The following PCDH15 variants were observed in gnomAD, a reference collection of about 807,000 sequenced individuals.
The protein encoded by PCDH15 is protocadherin related 15.
Under a neutral mutation model 178.5 loss-of-function variants are expected in PCDH15, and 129 were observed. The ratio of observed to expected loss-of-function variants is 0.72; its 90% CI spans 0.63 to 0.84. The LOEUF (loss-of-function observed/expected upper bound fraction) is 0.84. PCDH15 is among the 40% of genes least tolerant of loss of function. The pLI, the probability that PCDH15 is intolerant of heterozygous loss-of-function variation, is 0.00. For synonymous variants in PCDH15, 800 were observed against 732.0 expected, an observed-to-expected ratio of 1.09 and a Z score of -1.50; for missense variants, 2,230 against 2,099.9, an observed-to-expected ratio of 1.06 and a Z score of -1.21.
At chr10:53,924,898 C>T (rs958498689) in intron 25 of PCDH15, among the ~76,000 whole-genome samples, 1 of 152,184 alleles carries the variant, frequency 6.6e-6, no homozygotes, top group Non-Finnish European at 1.5e-5. Flanking sequence ...TTTGTAAATG[C>T]ACCAATCAGT....
chr10:54,063,821 C>A (rs1245663998), intron 18 of PCDH15, among the ~76,000 whole-genome samples: 2 of 152,150 alleles, frequency 1.3e-5, no homozygotes, highest in African/African-American at 2.4e-5. Flanking sequence ...TCCAGCCGCC[C>A]TCTCCCAGCA....
intron 23 of PCDH15, among the ~76,000 whole-genome samples, chr10:53,944,906 C>G (rs2086396051): frequency 6.6e-6 from 1 of 152,198 alleles, no homozygotes; most frequent in African/African-American, 2.4e-5. Context: ...GGTTTGATGT[C>G]CTTGCATATC....
chr10:54,396,541 G>T (rs1951250703), intron 3 of PCDH15, among the ~76,000 whole-genome samples: 1 of 152,046 alleles, frequency 6.6e-6, no homozygotes, highest in Non-Finnish European at 1.5e-5. Context: ...GGCTGACAGA[G>T]CAAGTGTCTT....
intron 2 of PCDH15, among the ~76,000 whole-genome samples, chr10:55,030,508 C>A (rs1367093275): frequency 6.6e-6 from 1 of 151,976 alleles, no homozygotes; most frequent in African/African-American, 2.4e-5. Flanking sequence ...ACAATCTGGA[C>A]GCTGAGCTCA....
intron 28 of PCDH15, among the ~76,000 whole-genome samples, chr10:53,855,904 G>GTGTATA (rs1554832765): frequency 9.1e-6 from 1 of 109,690 alleles, no homozygotes; most frequent in African/African-American, 3.8e-5. Flanking sequence ...AAGGTGATAT[G>GTGTATA]TATATATATA....
chr10:54,514,034 T>C (rs2081967666), intron 3 of PCDH15, among the ~76,000 whole-genome samples: 1 of 152,196 alleles, frequency 6.6e-6, no homozygotes, highest in Admixed American at 6.5e-5. Flanking sequence ...AAATTCTGTC[T>C]TTTTATATAG....
At position 54,031,889 on chromosome 10, in the gene PCDH15, T is replaced by A. The variant is rs192699602; in HGVS notation, c.2221-8692A>T. ...TTACATAGTAAGGCTGTCTTTTCCC[T>A]TTTTCAAATATTCCTTATAGTGCTG... On this transcript the variant is annotated intron_variant, in intron 18 of 37. Transcript: ENST00000644397. Among the ~76,000 whole-genome samples, 119 of 152,128 alleles carry A rather than the reference T, an allele frequency of 7.8e-4. 2 individuals carry two copies. The East Asian group carries it at 0.021, about 26-fold the overall frequency.
chr10:55,358,434 A>G (rs1399038840), intron 2 of PCDH15, among the ~76,000 whole-genome samples: 1 of 152,058 alleles, frequency 6.6e-6, no homozygotes, highest in East Asian at 1.9e-4. Context: ...TATCATTCCT[A>G]TGAATGATTC....
chr10:54,953,522 C>G (rs1425537974), intron 2 of PCDH15, among the ~76,000 whole-genome samples: 3 of 151,352 alleles, frequency 2.0e-5, no homozygotes, highest in Non-Finnish European at 4.4e-5. Flanking sequence ...TATAATACAC[C>G]TAATCTATTG....
intron 2 of PCDH15, among the ~76,000 whole-genome samples, chr10:55,545,482 G>T (rs1281471119): frequency 6.7e-6 from 1 of 150,074 alleles, no homozygotes; most frequent in Non-Finnish European, 1.5e-5. Context: ...CACCATGTTG[G>T]CCAGACTGGT....
At position 53,831,359 on chromosome 10, in the gene PCDH15, G is replaced by A. The variant is rs1253422113; in HGVS notation, c.4158C>T (p.Leu1386=). The A allele has an allele frequency of 2.5e-6, 4 of 1,614,144 alleles. No homozygotes were observed. Among genetic ancestry groups the A allele is most frequent in the Non-Finnish European group, 3.4e-6 (4 of 1,180,028 alleles). Residue 1386 remains leucine (L), a synonymous_variant, in exon 30 of 38, where the codon CTC becomes CTT. Coordinates refer to ENST00000644397, the MANE Select transcript of PCDH15 (RefSeq NM_001384140.1). The part of the protein sequence containing the change: ...ALLALAFIII[L]CCIPAILVVL... ...CCACCAAGATGGCAGGAATGCAGCA[G>A]AGGATGATGATGAAGGCCAGAGCCA...
intron 8 of PCDH15, among the ~76,000 whole-genome samples, chr10:54,314,964 T>A (rs2061152085): frequency 6.6e-6 from 1 of 152,214 alleles, no homozygotes; most frequent in East Asian, 1.9e-4. Flanking sequence ...TGACTCCATG[T>A]CTTTGCTATT....
chr10:54,493,816 G>T (rs1332421177), intron 3 of PCDH15, among the ~76,000 whole-genome samples: 1 of 152,082 alleles, frequency 6.6e-6, no homozygotes, highest in Non-Finnish European at 1.5e-5. Context: ...ATTCACAATA[G>T]CAAAGATTTG....
chr10:55,547,281 CAG>C (rs1841905548), intron 2 of PCDH15, among the ~76,000 whole-genome samples: 3 of 152,116 alleles, frequency 2.0e-5, no homozygotes, highest in African/African-American at 7.2e-5. Flanking sequence ...TGCACAAGTT[CAG>C]AGTGTGGTGA....
intron 20 of PCDH15, among the ~76,000 whole-genome samples, chr10:54,006,502 C>A: frequency 6.6e-6 from 1 of 152,280 alleles, no homozygotes; most frequent in Non-Finnish European, 1.5e-5. Context: ...GATGAAATGT[C>A]CAGAATTTCT....
chr10:53,970,328 C>T (rs1284912332), intron 21 of PCDH15, among the ~76,000 whole-genome samples: 1 of 152,144 alleles, frequency 6.6e-6, no homozygotes, highest in African/African-American at 2.4e-5. Context: ...AATATATATG[C>T]ACCCAATACA....
Position 54,117,969 on chromosome 10 carries a change from G to A in PCDH15, c.1917+14906C>T, listed in dbSNP as rs76222776. Among the ~76,000 whole-genome samples the A allele has an allele frequency of 6.2e-3, 947 of 152,240 alleles. 12 individuals are homozygous for A. Among genetic ancestry groups the A allele is most frequent in the African/African-American group, 0.022 (896 of 41,530 alleles). On this transcript the variant is annotated intron_variant, in intron 15 of 37. Coordinates refer to ENST00000644397, the MANE Select transcript of PCDH15 (RefSeq NM_001384140.1). ...CCCTAAATTCTCATTCTGATCTGCC[G>A]AACTGACAGCTGGGCCCCCAGGCTA...
At chr10:54,446,192 C>A (rs1187928182) in intron 3 of PCDH15, among the ~76,000 whole-genome samples, 2 of 151,630 alleles carry the variant, frequency 1.3e-5, no homozygotes, top group South Asian at 4.1e-4. Flanking sequence ...GGTTCAAATA[C>A]TAATTTTTGT....
chr10:53,945,852 T>C (rs867387276), intron 23 of PCDH15, among the ~76,000 whole-genome samples: 14,305 of 55,864 alleles, frequency 0.26, 1,167 homozygotes, highest in East Asian at 0.41. Flanking sequence ...TATATATATA[T>C]ATATATATAT....
Sources: gnomAD v4.1 joint callset for allele counts (sites outside exome capture counted in the v4.1 genomes callset) on GRCh38, gnomAD v4.1.1 for gene constraint, MANE v1.5 for transcripts, NCBI Gene and HGNC (gene_info 2026-07-23, HGNC 2026-07-21) for gene names.